Variants in ASIC2 observed in about 807,000 individuals in gnomAD.
ASIC2 encodes the protein acid sensing ion channel subunit 2.
ASIC2 carries 25 observed loss-of-function variants against 57.3 expected under a neutral mutation model. That is an observed-to-expected ratio of 0.44 (90% CI 0.32 to 0.61). The LOEUF is 0.61. ASIC2 is among the 20% of genes least tolerant of loss of function. ASIC2 has a pLI of 0.06. For missense variants in ASIC2, 641 were observed against 738.1 expected (o/e 0.87, Z 1.52); for synonymous variants, 319 against 307.5 (o/e 1.04, Z -0.39).
chr17:34,050,957 T>C (rs1908532722), intron 1 of ASIC2, among the ~76,000 whole-genome samples: 1 of 152,126 alleles, frequency 6.6e-6, no homozygotes, highest in Non-Finnish European at 1.5e-5. Context: ...ATGAAATGGG[T>C]TGTGATTGAG....
intron 1 of ASIC2, among the ~76,000 whole-genome samples, chr17:33,207,291 G>A (rs556680935): frequency 6.6e-6 from 1 of 152,304 alleles, no homozygotes; most frequent in Admixed American, 6.5e-5. Flanking sequence ...GAAGTAAGCA[G>A]AACAAATATT....
chr17:33,388,812 G>T (rs1292496019), intron 1 of ASIC2, among the ~76,000 whole-genome samples: 1 of 152,208 alleles, frequency 6.6e-6, no homozygotes, highest in Non-Finnish European at 1.5e-5. Flanking sequence ...CTCACACAAA[G>T]TCCAAGGCAG....
At chr17:33,948,648 G>A (rs1375575135) in intron 1 of ASIC2, among the ~76,000 whole-genome samples, 2 of 152,216 alleles carry the variant, frequency 1.3e-5, no homozygotes, top group East Asian at 3.9e-4. Context: ...GAATCCAAGA[G>A]CTGCCCTGGC....
chr17:33,226,566 CTCG>C (rs1393762301), intron 1 of ASIC2, among the ~76,000 whole-genome samples: 1 of 152,174 alleles, frequency 6.6e-6, no homozygotes, highest in Non-Finnish European at 1.5e-5. Flanking sequence ...CCCAGTCACT[CTCG>C]TCATTTTTTT....
chr17:33,292,041 C>A lies in ASIC2; in HGVS notation c.75G>T (p.Glu25Asp). 8.7e-7 allele frequency: 1 copy of A among 1,151,534 alleles called. No homozygotes were observed. Among genetic ancestry groups the A allele is most frequent in the Non-Finnish European group, 1.1e-6 (1 of 942,332 alleles). The allele number at this position is 1,151,534 out of a possible 1,614,324, so 71.3% of individuals were successfully genotyped here. A position where few individuals can be genotyped will look rare whatever the true frequency, so the allele number is the denominator to read the frequency against. ...CCGCCAACGCCGCGGGCGCCGGCTCCTCGCGGGCCATGCGGAAGCGTCCCG... is the reference window on the plus strand; with the variant it reads ...CCGCCAACGCCGCGGGCGCCGGCTCATCGCGGGCCATGCGGAAGCGTCCCG... ...TGPGRFRMAR[E>D]EPAPAALAAA... The change falls in exon 1 of 10, where the codon GAG becomes GAT. Residue 25 changes from glutamate to aspartate, a missense_variant. This residue lies in a region of ASIC2 where 382 missense variants were observed against 398.0 expected (regional missense o/e 0.96). Transcript: ENST00000225823.
intron 1 of ASIC2, among the ~76,000 whole-genome samples, chr17:33,399,510 GAAC>G (rs1268196092): frequency 6.6e-6 from 1 of 151,990 alleles, no homozygotes; most frequent in African/African-American, 2.4e-5. Context: ...GTGGTGTTGG[GAAC>G]AACAACAAAA....
At chr17:33,141,276 C>T (rs1378823512) in intron 1 of ASIC2, among the ~76,000 whole-genome samples, 2 of 152,198 alleles carry the variant, frequency 1.3e-5, no homozygotes, top group Admixed American at 6.5e-5. Flanking sequence ...CCTCTAGGCT[C>T]CTGCAGCCCT....
At chr17:33,548,709 A>G (rs1163443112) in intron 1 of ASIC2, among the ~76,000 whole-genome samples, 1 of 151,994 alleles carries the variant, frequency 6.6e-6, no homozygotes. Context: ...CAGACACTCA[A>G]CTGTTTTTCC....
At chr17:33,937,248 C>G (rs1385858670) in intron 1 of ASIC2, among the ~76,000 whole-genome samples, 1 of 152,158 alleles carries the variant, frequency 6.6e-6, no homozygotes, top group African/African-American at 2.4e-5. Context: ...ATTACACTCA[C>G]GTGCCACCAC....
intron 3 of ASIC2, among the ~76,000 whole-genome samples, chr17:33,085,638 C>G (rs1345100065): frequency 6.6e-6 from 1 of 152,210 alleles, no homozygotes; most frequent in Non-Finnish European, 1.5e-5. Context: ...AGTAGGTATT[C>G]AGCAAATATT....
At chr17:33,473,065 A>T (rs985290127) in intron 1 of ASIC2, among the ~76,000 whole-genome samples, 1 of 152,234 alleles carries the variant, frequency 6.6e-6, no homozygotes, top group Non-Finnish European at 1.5e-5. Context: ...GCATGCAATA[A>T]TCAATAAGTA....
intron 1 of ASIC2, among the ~76,000 whole-genome samples, chr17:33,641,592 A>G (rs1003314693): frequency 1.3e-5 from 2 of 152,224 alleles, no homozygotes; most frequent in Non-Finnish European, 2.9e-5. Flanking sequence ...TCATGTATGG[A>G]CACATGCAGT....
At chr17:33,662,645 A>C (rs1290137983) in intron 1 of ASIC2, among the ~76,000 whole-genome samples, 1 of 139,508 alleles carries the variant, frequency 7.2e-6, no homozygotes, top group Non-Finnish European at 1.5e-5. Flanking sequence ...ATAAATAAAT[A>C]AATAAATAAA....
At chr17:33,110,340 A>G (rs2092252227) in intron 2 of ASIC2, among the ~76,000 whole-genome samples, 2 of 152,058 alleles carry the variant, frequency 1.3e-5, no homozygotes, top group African/African-American at 2.4e-5. Flanking sequence ...GGTTGGCCTC[A>G]GGATGCCCTG....
At chr17:33,022,065 GGGGTCT>G (rs1333713492) in intron 6 of ASIC2, among the ~76,000 whole-genome samples, 1 of 152,178 alleles carries the variant, frequency 6.6e-6, no homozygotes, top group Non-Finnish European at 1.5e-5. Context: ...GGCCCAGGAT[GGGGTCT>G]GGGGACAGTG....
intron 1 of ASIC2, chr17:33,572,256 C>A: frequency 6.6e-6 from 1 of 152,208 alleles, no homozygotes. Flanking sequence ...AGAGAGAGCC[C>A]ACAAGATCAA....
At chr17:33,788,699 C>A (rs1030979784) in intron 1 of ASIC2, among the ~76,000 whole-genome samples, 5 of 152,200 alleles carry the variant, frequency 3.3e-5, no homozygotes, top group African/African-American at 1.2e-4. Context: ...GGTACATATA[C>A]ACCATGGATT....
At chr17:33,605,338 G>A (rs1476817856) in intron 1 of ASIC2, among the ~76,000 whole-genome samples, 2 of 152,196 alleles carry the variant, frequency 1.3e-5, no homozygotes, top group African/African-American at 2.4e-5. Context: ...CCTGTGCAGG[G>A]TCTGTTTAAA....
At chr17:33,971,839 G>T (rs1032788648) in intron 1 of ASIC2, among the ~76,000 whole-genome samples, 1 of 152,182 alleles carries the variant, frequency 6.6e-6, no homozygotes, top group Non-Finnish European at 1.5e-5. Flanking sequence ...TTGGGAGAGG[G>T]ACAAGGGATT....
Sources: gnomAD v4.1 joint callset for allele counts (sites outside exome capture counted in the v4.1 genomes callset) on GRCh38, gnomAD v4.1.1 for gene constraint, gnomAD v4.1.1 regional missense constraint, MANE v1.5 for transcripts, NCBI Gene and HGNC (gene_info 2026-07-23, HGNC 2026-07-21) for gene names.